The following CFAP92 variants were observed in gnomAD, a reference collection of about 807,000 sequenced individuals.
CFAP92 encodes cilia and flagella associated protein 92 (putative).
In CFAP92, 86 loss-of-function variants were observed where a neutral mutation model predicts 106.3. The observed-to-expected ratio is 0.81, with a 90% confidence interval of 0.68 to 0.97. CFAP92 has a LOEUF of 0.97. Ranked by LOEUF, CFAP92 falls within the 50% of genes least tolerant of loss-of-function variation. The pLI is 0.00. For synonymous variants in CFAP92, 477 were observed against 506.4 expected, an observed-to-expected ratio of 0.94 and a Z score of 0.78; for missense variants, 1,204 against 1,283.8, an observed-to-expected ratio of 0.94 and a Z score of 0.95.
In CFAP92 at chr3:128,993,239, A is replaced by C; in HGVS notation, c.66T>G (p.Thr22=). Residue 22 remains threonine (T), a synonymous_variant, in exon 2 of 16, where the codon ACT becomes ACG. Coordinates refer to ENST00000645291, the MANE Select transcript of CFAP92 (RefSeq NM_001394090.1). ...ACTCGCTCGTGGACTGGTAAAAGCT[A>C]GTGATGGAGGAGATGGGCTCTATGC... ...PASIEPISSI[T]SFYQSTSECD... The C allele has an allele frequency of 6.2e-7, 1 of 1,613,992 alleles. No individual in the cohort carries two copies. The highest frequency in any genetic ancestry group is 1.1e-5 in the South Asian group (1 of 91,088).
chr3:128,975,816 G>T lies in CFAP92; in HGVS notation c.984C>A (p.Ser328Arg), dbSNP rs759033614. The T allele has an allele frequency of 2.5e-6, 4 of 1,606,368 alleles. No individual in the cohort carries two copies. Among genetic ancestry groups the T allele is most frequent in the Non-Finnish European group, 1.7e-6 (2 of 1,176,104 alleles). Residue 328 changes from serine (S) to arginine (R), a missense_variant, in exon 7 of 16, where the codon AGC (serine) becomes AGA (arginine). By Grantham distance (110) the Ser-to-Arg change is moderately radical. Transcript: ENST00000645291. ...GTCTGTCTAATATGTTTGTTAAGCT[G>T]CTAAGTGATTCACTCTCAATTAATT... ...IKELIESESL[S>R]SLTNILDRQR...
intron 10 of CFAP92, among the ~76,000 whole-genome samples, chr3:128,941,951 A>G (rs1468320033): frequency 6.6e-6 from 1 of 152,150 alleles, no homozygotes; most frequent in Non-Finnish European, 1.5e-5. Flanking sequence ...GCCTAATTCA[A>G]CTGGGTTCAA....
chr3:128,985,055 T>C (rs1017152830), intron 4 of CFAP92, among the ~76,000 whole-genome samples: 1 of 152,244 alleles, frequency 6.6e-6, no homozygotes, highest in Admixed American at 6.5e-5. Context: ...CTAAATTGTT[T>C]TACAAAGTGA....
the CFAP92 span, among the ~76,000 whole-genome samples, chr3:129,009,024 G>A: frequency 6.6e-6 from 1 of 150,500 alleles, no homozygotes; most frequent in African/African-American, 2.4e-5. Context: ...GGGGCGGGGC[G>A]GGAATCTGTT....
At chr3:128,973,890 T>C (rs1398620444) in intron 7 of CFAP92, among the ~76,000 whole-genome samples, 1 of 152,182 alleles carries the variant, frequency 6.6e-6, no homozygotes, top group Non-Finnish European at 1.5e-5. Context: ...CCATAACACA[T>C]GGCAAAATGC....
At chr3:128,961,037 A>T (rs947904348) in intron 9 of CFAP92, among the ~76,000 whole-genome samples, 2 of 140,820 alleles carry the variant, frequency 1.4e-5, no homozygotes, top group Non-Finnish European at 1.5e-5. Context: ...CTGTGTGCTC[A>T]AGAACTTAAA....
chr3:128,989,439 A>C (rs1324396307), intron 2 of CFAP92, among the ~76,000 whole-genome samples: 2 of 152,114 alleles, frequency 1.3e-5, no homozygotes, highest in African/African-American at 4.8e-5. Context: ...AGAGTCTTAG[A>C]GGAGCAAAGC....
At chr3:128,997,933 G>C (rs563121815), upstream of CFAP92, among the ~76,000 whole-genome samples, 1 of 152,308 alleles carries the variant, frequency 6.6e-6, no homozygotes, top group African/African-American at 2.4e-5. Flanking sequence ...ACAACATGAA[G>C]TTTCCTGTTT....
intron 9 of CFAP92, among the ~76,000 whole-genome samples, chr3:128,965,290 C>G (rs1461613345): frequency 6.6e-6 from 1 of 152,204 alleles, no homozygotes; most frequent in Non-Finnish European, 1.5e-5. Flanking sequence ...CCCTATCTCC[C>G]TTTGCTGACT....
At chr3:128,971,852 T>C (rs1490961230) in intron 7 of CFAP92, among the ~76,000 whole-genome samples, 1 of 152,150 alleles carries the variant, frequency 6.6e-6, no homozygotes, top group Non-Finnish European at 1.5e-5. Context: ...CCTCACCTGT[T>C]ATATGAGGGC....
At chr3:128,959,197 C>G (rs1372169411) in intron 9 of CFAP92, among the ~76,000 whole-genome samples, 1 of 151,724 alleles carries the variant, frequency 6.6e-6, no homozygotes, top group Non-Finnish European at 1.5e-5. Flanking sequence ...GCAACAAGAG[C>G]AAAATTCTGC....
At chr3:129,003,962 C>G, upstream of CFAP92, 3 of 1,446,506 alleles carry the variant, frequency 2.1e-6, no homozygotes, top group East Asian at 3.0e-5. Flanking sequence ...GGAGGAGGCC[C>G]GGCAGGTGGT....
At chr3:128,929,954 A>C (rs912760001) in intron 12 of CFAP92, among the ~76,000 whole-genome samples, 1 of 152,158 alleles carries the variant, frequency 6.6e-6, no homozygotes, top group African/African-American at 2.4e-5. Flanking sequence ...AATGTGAAAA[A>C]ATTAAATTAT....
At chr3:128,911,199 G>A (rs1418916437) in intron 15 of CFAP92, among the ~76,000 whole-genome samples, 1 of 152,112 alleles carries the variant, frequency 6.6e-6, no homozygotes, top group Non-Finnish European at 1.5e-5. Context: ...TGGGATTACA[G>A]GCGCACGCCA....
chr3:128,932,832 G>A lies in CFAP92; in HGVS notation c.2619C>T (p.Ala873=), dbSNP rs1253254762. 4.6e-6 allele frequency: 7 copies of A among 1,536,112 alleles called. No individual in the cohort carries two copies. Among genetic ancestry groups the A allele is most frequent in the Non-Finnish European group, 6.1e-6 (7 of 1,146,920 alleles). The change falls in exon 12 of 16, where the codon GCC becomes GCT. Residue 873 remains alanine (A), a synonymous_variant. Coordinates refer to ENST00000645291, the MANE Select transcript of CFAP92 (RefSeq NM_001394090.1). The stretch of plus-strand genomic sequence containing the variant: ...GACTGTGGTAGTCCTCAAGATTGGG[G>A]GCAGGCTGAGGTGGTAGGGCAAACA... ...EKLFALPPQP[A]PNLEDYHSRN... is the part of the protein sequence containing the mutation.
chr3:128,921,240 CACTAGAG>C (rs1937256768), intron 12 of CFAP92, among the ~76,000 whole-genome samples: 1 of 152,216 alleles, frequency 6.6e-6, no homozygotes, highest in Non-Finnish European at 1.5e-5. Context: ...AGTGAAGGAA[CACTAGAG>C]TGTGTGAAAG....
chr3:129,004,106 A>G (rs950116010), upstream of CFAP92: 4 of 1,467,366 alleles, frequency 2.7e-6, no homozygotes, highest in African/African-American at 1.5e-5. Flanking sequence ...CCTGGGCCCA[A>G]GTTCCCCAAT....
intron 4 of CFAP92, among the ~76,000 whole-genome samples, chr3:128,984,852 A>G (rs972865592): frequency 2.0e-4 from 31 of 152,180 alleles, no homozygotes; most frequent in African/African-American, 7.2e-4. Context: ...CCCCTTCATA[A>G]CATGAGGCAG....
chr3:128,982,148 G>C (rs1015192848), intron 4 of CFAP92, among the ~76,000 whole-genome samples: 1 of 152,258 alleles, frequency 6.6e-6, no homozygotes, highest in Non-Finnish European at 1.5e-5. Flanking sequence ...GCTTCTTCCA[G>C]TAGAAGGCTG....
Sources: allele counts gnomAD v4.1 joint callset (sites outside exome capture counted in the v4.1 genomes callset), GRCh38; gene constraint gnomAD v4.1.1; transcripts MANE v1.5; gene names NCBI Gene and HGNC (gene_info 2026-07-23, HGNC 2026-07-21).